The following RUNDC3B variants were observed in gnomAD, a reference collection of about 807,000 sequenced individuals.
The protein encoded by RUNDC3B is RUN domain containing 3B.
Under a neutral mutation model 58.4 loss-of-function variants are expected in RUNDC3B, and 33 were observed. The observed-to-expected ratio is 0.56, with a 90% confidence interval of 0.43 to 0.75. The LOEUF (loss-of-function observed/expected upper bound fraction) is 0.75. Among genes scored for constraint, RUNDC3B ranks in the 30% least tolerant of loss-of-function variants. The probability of loss-of-function intolerance (pLI) is 0.00; values close to 1 mark genes in which losing one functional copy is unlikely to be tolerated. For missense variants in RUNDC3B, 501 were observed against 535.7 expected, an observed-to-expected ratio of 0.94 and a Z score of 0.64; for synonymous variants, 193 against 195.2, an observed-to-expected ratio of 0.99 and a Z score of 0.10.
At chr7:87,780,515 G>A (rs1359146064) in intron 8 of RUNDC3B, among the ~76,000 whole-genome samples, 1 of 152,088 alleles carries the variant, frequency 6.6e-6, no homozygotes, top group Non-Finnish European at 1.5e-5. Flanking sequence ...TTTGTTGGAT[G>A]CATAGTTTGT....
chr7:87,751,347 T>C (rs1044051180), intron 6 of RUNDC3B, among the ~76,000 whole-genome samples: 5 of 152,164 alleles, frequency 3.3e-5, no homozygotes, highest in African/African-American at 1.2e-4. Context: ...GGCTTAGGAT[T>C]GACTTGGTGA....
intron 4 of RUNDC3B, among the ~76,000 whole-genome samples, chr7:87,727,438 C>A (rs1831303128): frequency 6.6e-6 from 1 of 151,902 alleles, no homozygotes; most frequent in Admixed American, 6.6e-5. Context: ...CTTTAGTAAT[C>A]CAATTGTGCT....
intron 2 of RUNDC3B, among the ~76,000 whole-genome samples, chr7:87,675,676 AAAAG>A (rs1020650033): frequency 2.0e-5 from 3 of 150,538 alleles, no homozygotes; most frequent in Non-Finnish European, 4.4e-5. Context: ...AAAAAAAGGA[AAAAG>A]AAAGAAGGAA....
rs1056655800 is a variant in RUNDC3B, at chr7:87,689,938, A to G, written c.239-10483A>G. On this transcript the variant is annotated intron_variant, in intron 2 of 10. Transcript: ENST00000394654. ...CCAAATGTTTATGTGTGTTTGCACT[A>G]TATTTTTACTTTAAATCTTTGAATG... 2.6e-5 allele frequency among the ~76,000 whole-genome samples: 4 copies of G among 152,172 alleles called. No individual in the cohort carries two copies. The South Asian group carries it at 6.2e-4, about 24-fold the overall frequency.
intron 5 of RUNDC3B, among the ~76,000 whole-genome samples, chr7:87,741,153 C>G (rs1261982913): frequency 6.7e-6 from 1 of 149,960 alleles, no homozygotes; most frequent in Non-Finnish European, 1.5e-5. Flanking sequence ...TGCAGTGAGC[C>G]AAGATCATGC....
At chr7:87,737,844 T>C (rs1832074851) in intron 4 of RUNDC3B, among the ~76,000 whole-genome samples, 1 of 152,124 alleles carries the variant, frequency 6.6e-6, no homozygotes, top group Non-Finnish European at 1.5e-5. Context: ...TTAGAAAATT[T>C]ACTTATTTAC....
intron 8 of RUNDC3B, among the ~76,000 whole-genome samples, chr7:87,779,862 C>A (rs1316061858): frequency 6.6e-6 from 1 of 151,876 alleles, no homozygotes; most frequent in Non-Finnish European, 1.5e-5. Flanking sequence ...TAACTACCAG[C>A]TATAAGTGAG....
intron 10 of RUNDC3B, among the ~76,000 whole-genome samples, chr7:87,829,533 A>G (rs1407095893): frequency 6.6e-6 from 1 of 152,066 alleles, no homozygotes; most frequent in African/African-American, 2.4e-5. Flanking sequence ...TGGGTTCTCT[A>G]TTCTGTTCCA....
At chr7:87,806,084 A>C (rs1411927569) in intron 8 of RUNDC3B, among the ~76,000 whole-genome samples, 2 of 152,166 alleles carry the variant, frequency 1.3e-5, no homozygotes, top group Non-Finnish European at 2.9e-5. Context: ...ATCATATCTT[A>C]CTAGGATACA....
chr7:87,638,484 G>A (rs1447828179), intron 1 of RUNDC3B, among the ~76,000 whole-genome samples: 2 of 152,112 alleles, frequency 1.3e-5, no homozygotes, highest in Non-Finnish European at 1.5e-5. Flanking sequence ...AATTGTCTTT[G>A]TGGGAAATCA....
chr7:87,694,020 G>T, intron 2 of RUNDC3B: 2 of 1,599,774 alleles, frequency 1.3e-6, no homozygotes, highest in South Asian at 2.3e-5. Context: ...ATTGACTTTC[G>T]GGGGAGGGCT....
At chr7:87,738,525 T>C (rs1832124952) in intron 4 of RUNDC3B, among the ~76,000 whole-genome samples, 1 of 152,050 alleles carries the variant, frequency 6.6e-6, no homozygotes, top group Non-Finnish European at 1.5e-5. Context: ...TTGACTATTT[T>C]TTCCATTTTG....
intron 6 of RUNDC3B, among the ~76,000 whole-genome samples, chr7:87,752,747 C>T (rs1204151042): frequency 1.3e-5 from 2 of 152,154 alleles, no homozygotes; most frequent in South Asian, 4.1e-4. Context: ...TTTATTGCGT[C>T]TATTTGATTC....
At chr7:87,689,328 C>G (rs987116218) in intron 2 of RUNDC3B, among the ~76,000 whole-genome samples, 4 of 151,948 alleles carry the variant, frequency 2.6e-5, no homozygotes, top group African/African-American at 9.7e-5. Context: ...GAGTTTCTGT[C>G]AGAAAATTAA....
intron 10 of RUNDC3B, among the ~76,000 whole-genome samples, chr7:87,822,946 A>C (rs904346204): frequency 6.6e-5 from 10 of 152,122 alleles, no homozygotes; most frequent in African/African-American, 2.4e-4. Context: ...CTAAATGACG[A>C]GTTATTTGGT....
intron 8 of RUNDC3B, among the ~76,000 whole-genome samples, chr7:87,780,540 A>C (rs749033210): frequency 1.6e-4 from 25 of 152,016 alleles, no homozygotes; most frequent in Non-Finnish European, 2.8e-4. Flanking sequence ...GTTTTTCCCC[A>C]ATCTGTAGGT....
At chr7:87,668,850 A>G (rs907009445) in intron 2 of RUNDC3B, among the ~76,000 whole-genome samples, 4 of 152,126 alleles carry the variant, frequency 2.6e-5, no homozygotes, top group African/African-American at 4.8e-5. Flanking sequence ...TGTGTTTGGT[A>G]TGATTTCAGT....
At chr7:87,785,804 CT>C (rs1410725560) in intron 8 of RUNDC3B, among the ~76,000 whole-genome samples, 2 of 152,176 alleles carry the variant, frequency 1.3e-5, no homozygotes, top group Admixed American at 1.3e-4. Context: ...TCCATGAACC[CT>C]TCTGAGCTCT....
intron 2 of RUNDC3B, among the ~76,000 whole-genome samples, chr7:87,672,716 TCTC>T (rs1825953821): frequency 6.6e-6 from 1 of 152,076 alleles, no homozygotes; most frequent in Admixed American, 6.5e-5. Context: ...CACAAGGAGA[TCTC>T]CTGACCCAAG....
Sources: gnomAD v4.1 joint callset for allele counts (sites outside exome capture counted in the v4.1 genomes callset) on GRCh38, gnomAD v4.1.1 for gene constraint, MANE v1.5 for transcripts, NCBI Gene and HGNC (gene_info 2026-07-23, HGNC 2026-07-21) for gene names.